CA5A: variants seen among roughly 807,000 people sequenced by gnomAD.
CA5A encodes the protein carbonic anhydrase 5A.
CA5A carries 28 observed loss-of-function variants against 37.1 expected under a neutral mutation model. That is an observed-to-expected ratio of 0.75 (90% CI 0.56 to 1.03). The LOEUF (loss-of-function observed/expected upper bound fraction) is 1.03. CA5A is among the 50% of genes least tolerant of loss of function. The probability of loss-of-function intolerance (pLI) is 0.00; values close to 1 mark genes in which losing one functional copy is unlikely to be tolerated. For synonymous variants in CA5A, 171 were observed against 158.4 expected, an observed-to-expected ratio of 1.08 and a Z score of -0.60; for missense variants, 444 against 399.9, an observed-to-expected ratio of 1.11 and a Z score of -0.94.
chr16:87,932,782 C>G lies in CA5A; in HGVS notation c.142+3527G>C, dbSNP rs529346742. ...GGAGACCCCATCTCCCCGATGCATT[C>G]TCAGTCTCCAGGTTTGATGGTGGTT... is the stretch of plus-strand genomic sequence containing the variant. On this transcript the variant is annotated intron_variant, in intron 1 of 6. Transcript: ENST00000649794. Among the ~76,000 whole-genome samples the G allele has an allele frequency of 2.0e-5, 3 of 152,314 alleles. No homozygotes were observed. The East Asian group carries it at 5.8e-4, about 29-fold the overall frequency.
chr16:87,920,870 C>T (rs1212643559), intron 2 of CA5A, among the ~76,000 whole-genome samples: 4 of 152,086 alleles, frequency 2.6e-5, no homozygotes, highest in Non-Finnish European at 5.9e-5. Flanking sequence ...CTCGGCTGAC[C>T]GCAACCTCCA....
chr16:87,923,024 A>G (rs994043542), intron 2 of CA5A, among the ~76,000 whole-genome samples: 6 of 152,334 alleles, frequency 3.9e-5, no homozygotes, highest in Non-Finnish European at 8.8e-5. Flanking sequence ...GAGTTGGTGA[A>G]GGGCTACAAT....
intron 5 of CA5A, chr16:87,892,293 T>A (rs2055728977): frequency 5.8e-6 from 1 of 172,122 alleles, no homozygotes; most frequent in Non-Finnish European, 1.2e-5. Context: ...GTGCATCACT[T>A]GAGGTCAGGA....
intron 1 of CA5A, among the ~76,000 whole-genome samples, chr16:87,931,226 C>A (rs1436891715): frequency 1.3e-5 from 2 of 151,670 alleles, no homozygotes; most frequent in Non-Finnish European, 2.9e-5. Context: ...ATTCTCCTGC[C>A]TCAGTCTCCC....
At chr16:87,928,607 G>T (rs1434972676) in intron 1 of CA5A, among the ~76,000 whole-genome samples, 2 of 151,806 alleles carry the variant, frequency 1.3e-5, no homozygotes, top group African/African-American at 4.8e-5. Flanking sequence ...TTTAATGGTG[G>T]CACGTTTCCA....
At chr16:87,920,686 C>G (rs1245540539) in intron 2 of CA5A, among the ~76,000 whole-genome samples, 1 of 151,930 alleles carries the variant, frequency 6.6e-6, no homozygotes, top group Admixed American at 6.6e-5. Context: ...GGCGTGATCT[C>G]GACTCACTTA....
At chr16:87,905,933 G>A (rs2055954625) in intron 2 of CA5A, among the ~76,000 whole-genome samples, 1 of 152,222 alleles carries the variant, frequency 6.6e-6, no homozygotes, top group African/African-American at 2.4e-5. Context: ...GAGGCCTCTG[G>A]CTCTGGCCCC....
At chr16:87,912,650 G>A (rs895328210) in intron 2 of CA5A, among the ~76,000 whole-genome samples, 128 of 152,356 alleles carry the variant, frequency 8.4e-4, no homozygotes, top group African/African-American at 3.1e-3. Context: ...GGCAGACGGT[G>A]GTAGAGATAA....
rs148749252 is a variant in CA5A at position 87,927,966 on chromosome 16, C to G, written c.143-1021G>C. ...CCACCTGTTCTCTGTGCAATAACCTCATGCTAAGAGAAAGCTGGATCTTTT... is the reference window on the plus strand; with the variant it reads ...CCACCTGTTCTCTGTGCAATAACCTGATGCTAAGAGAAAGCTGGATCTTTT... On this transcript the variant is annotated intron_variant, in intron 1 of 6. Coordinates refer to ENST00000649794, the MANE Select transcript of CA5A (RefSeq NM_001739.2). Among the ~76,000 whole-genome samples the G allele has an allele frequency of 4.0e-3, 607 of 152,040 alleles. 3 individuals carry two copies. Among genetic ancestry groups the G allele is most frequent in the African/African-American group, 0.014 (585 of 41,454 alleles).
intron 2 of CA5A, among the ~76,000 whole-genome samples, chr16:87,925,152 G>A (rs1212885889): frequency 6.6e-6 from 1 of 152,242 alleles, no homozygotes. Flanking sequence ...CAGATGGGAT[G>A]CCTGCCGGAG....
At chr16:87,933,611 G>C (rs2056435375) in intron 1 of CA5A, among the ~76,000 whole-genome samples, 1 of 150,676 alleles carries the variant, frequency 6.6e-6, no homozygotes, top group African/African-American at 2.4e-5. Flanking sequence ...TTGAACTCCT[G>C]TGCTTGAGCT....
intron 2 of CA5A, among the ~76,000 whole-genome samples, chr16:87,918,300 C>A (rs1397294777): frequency 6.6e-6 from 1 of 152,212 alleles, no homozygotes; most frequent in Non-Finnish European, 1.5e-5. Flanking sequence ...GGGGGGCACT[C>A]AAGGTGGGAC....
intron 6 of CA5A, among the ~76,000 whole-genome samples, chr16:87,889,778 A>T (rs536949326): frequency 2.8e-3 from 421 of 152,322 alleles, no homozygotes; most frequent in South Asian, 7.0e-3. Flanking sequence ...TCTCAAAAAA[A>T]AATAATAAAA....
intron 2 of CA5A, among the ~76,000 whole-genome samples, chr16:87,921,462 A>C (rs1402711428): frequency 1.3e-5 from 2 of 152,108 alleles, no homozygotes; most frequent in Non-Finnish European, 2.9e-5. Context: ...GCCTTTGCAC[A>C]GCCATGGAAA....
chr16:87,934,170 C>T (rs778889750), intron 1 of CA5A, among the ~76,000 whole-genome samples: 1 of 152,266 alleles, frequency 6.6e-6, no homozygotes, highest in Non-Finnish European at 1.5e-5. Flanking sequence ...CCAGCCTTTG[C>T]AGGCCCCACC....
chr16:87,914,921 C>T (rs1393327673), intron 2 of CA5A, among the ~76,000 whole-genome samples: 6 of 152,220 alleles, frequency 3.9e-5, no homozygotes, highest in South Asian at 2.1e-4. Flanking sequence ...CTCGGCCTCC[C>T]GTCTTCGGAA....
At chr16:87,890,304 A>G (rs1215187017) in intron 6 of CA5A, among the ~76,000 whole-genome samples, 1 of 143,102 alleles carries the variant, frequency 7.0e-6, no homozygotes, top group Non-Finnish European at 1.5e-5. Context: ...CACTTGTCAC[A>G]TATATGCTTG....
At chr16:87,933,165 A>G (rs1305468214) in intron 1 of CA5A, among the ~76,000 whole-genome samples, 4 of 152,244 alleles carry the variant, frequency 2.6e-5, no homozygotes, top group East Asian at 1.9e-4. Flanking sequence ...ATGTCCAAAA[A>G]TGTGCAGCAG....
At chr16:87,900,390 G>C (rs1481889837) in intron 5 of CA5A, among the ~76,000 whole-genome samples, 1 of 152,198 alleles carries the variant, frequency 6.6e-6, no homozygotes, top group Non-Finnish European at 1.5e-5. Flanking sequence ...CCCGAAGCCA[G>C]CATCAAGGCG....
Sources: allele counts gnomAD v4.1 joint callset (sites outside exome capture counted in the v4.1 genomes callset), GRCh38; gene constraint gnomAD v4.1.1; transcripts MANE v1.5; gene names NCBI Gene and HGNC (gene_info 2026-07-23, HGNC 2026-07-21).